The following DAB1 variants were observed in gnomAD, a reference collection of about 807,000 sequenced individuals.
The protein encoded by DAB1 is disabled homolog 1.
DAB1 carries 15 observed loss-of-function variants against 64.6 expected under a neutral mutation model. The observed-to-expected ratio is 0.23, with a 90% CI of 0.16 to 0.36. The LOEUF is 0.36. DAB1 is among the 10% of genes least tolerant of loss of function. The pLI is 1.00. For synonymous variants in DAB1, 235 were observed against 251.9 expected (o/e 0.93, Z 0.64); for missense variants, 596 against 706.7 (o/e 0.84, Z 1.78).
chr1:57,095,751 T>C (rs1037037052), intron 4 of DAB1, among the ~76,000 whole-genome samples: 1 of 151,916 alleles, frequency 6.6e-6, no homozygotes, highest in Non-Finnish European at 1.5e-5. Flanking sequence ...TTAAATAACG[T>C]GGGAAGTAAG....
At chr1:57,511,810 T>C (rs1173713141) in intron 7 of DAB1, among the ~76,000 whole-genome samples, 1 of 152,174 alleles carries the variant, frequency 6.6e-6, no homozygotes, top group East Asian at 1.9e-4. Flanking sequence ...CTCCTCTCTT[T>C]GACCATCTGG....
chr1:57,161,183 T>C (rs1660708535), intron 2 of DAB1, among the ~76,000 whole-genome samples: 2 of 151,990 alleles, frequency 1.3e-5, no homozygotes, highest in South Asian at 4.2e-4. Flanking sequence ...AGTCTTGATA[T>C]GGAGAGACAA....
chr1:58,162,367 C>T (rs1655586411), intron 4 of DAB1, among the ~76,000 whole-genome samples: 2 of 151,942 alleles, frequency 1.3e-5, no homozygotes, highest in Non-Finnish European at 2.9e-5. Context: ...TTTTTTCCTT[C>T]TGTTACTCAT....
At chr1:57,780,237 T>C (rs189462993) in intron 6 of DAB1, among the ~76,000 whole-genome samples, 1 of 152,230 alleles carries the variant, frequency 6.6e-6, no homozygotes, top group Admixed American at 6.5e-5. Context: ...TTTAACATGT[T>C]GATCTTGTGT....
intron 1 of DAB1, chr1:57,864,463 A>G (rs544137485): frequency 1.3e-5 from 2 of 152,196 alleles, no homozygotes; most frequent in African/African-American, 4.8e-5. Flanking sequence ...CTGAAAAATC[A>G]CAGCAAATAA....
chr1:57,593,887 A>G (rs1645475277), intron 7 of DAB1, among the ~76,000 whole-genome samples: 1 of 152,230 alleles, frequency 6.6e-6, no homozygotes. Context: ...CAAAAGTTCT[A>G]GCAGAAGTCT....
chr1:57,650,256 T>C (rs1237619519), intron 6 of DAB1, among the ~76,000 whole-genome samples: 1 of 152,216 alleles, frequency 6.6e-6, no homozygotes, highest in Non-Finnish European at 1.5e-5. Context: ...GTGATCCTCC[T>C]GCCTCAGTCT....
upstream of DAB1, among the ~76,000 whole-genome samples, chr1:57,886,279 C>T (rs927551514): frequency 3.3e-5 from 5 of 152,082 alleles, no homozygotes; most frequent in Non-Finnish European, 5.9e-5. Flanking sequence ...CTGCCTCAGC[C>T]TCTGGAGTAC....
In DAB1 at chr1:57,988,388, C is replaced by G. The variant is rs373441349; in HGVS notation, n.388-104226G>C. Among the ~76,000 whole-genome samples the G allele has an allele frequency of 2.6e-5, 4 of 152,304 alleles. No individual in the cohort carries two copies. The East Asian group carries it at 7.7e-4, about 29-fold the overall frequency. On this transcript the variant is annotated intron_variant and non_coding_transcript_variant, in intron 5 of 20. Coordinates refer to the DAB1 transcript ENST00000485760. ...ACCTCTCTGATCTTCTTTTCCTCAC[C>G]TATAAAATGGGGAAAATGAAATGTA...
intron 7 of DAB1, among the ~76,000 whole-genome samples, chr1:57,604,571 C>T (rs1046079731): frequency 6.6e-6 from 1 of 152,170 alleles, no homozygotes; most frequent in Admixed American, 6.6e-5. Context: ...TTATAAACTA[C>T]GGACCCACAG....
Position 58,287,449 on chromosome 1 carries a change from G to C in DAB1, n.309+55903C>G, listed in dbSNP as rs575178167. ...CTCATGTGGTTATAGTCAGTGGCTG[G>C]AGCCAGAGTCACCTGAAGACTACCT... is the stretch of plus-strand genomic sequence containing the variant. On this transcript the variant is annotated intron_variant and non_coding_transcript_variant, in intron 4 of 20. Transcript: ENST00000485760. 8.1e-4 allele frequency among the ~76,000 whole-genome samples: 124 copies of C among 152,224 alleles called. 1 individual carries two copies. Among genetic ancestry groups the C allele is most frequent in the African/African-American group, 2.8e-3 (117 of 41,530 alleles).
intron 2 of DAB1, among the ~76,000 whole-genome samples, chr1:57,289,854 A>G (rs1357157264): frequency 1.3e-5 from 2 of 152,008 alleles, no homozygotes; most frequent in African/African-American, 4.8e-5. Context: ...GAGAAAACAC[A>G]CACACACAGA....
intron 5 of DAB1, among the ~76,000 whole-genome samples, chr1:58,034,239 T>G (rs1173395541): frequency 2.0e-5 from 3 of 152,202 alleles, no homozygotes; most frequent in Non-Finnish European, 4.4e-5. Flanking sequence ...GAGGTCTTTG[T>G]GCTAAAGAAC....
intron 2 of DAB1, among the ~76,000 whole-genome samples, chr1:57,238,609 C>T (rs1455581027): frequency 3.9e-5 from 6 of 152,122 alleles, no homozygotes; most frequent in South Asian, 2.1e-4. Flanking sequence ...GTATCACAGC[C>T]TCCTCCAGAA....
chr1:58,508,580 G>A (rs1646025515), intron 2 of DAB1, among the ~76,000 whole-genome samples: 1 of 152,104 alleles, frequency 6.6e-6, no homozygotes, highest in Admixed American at 6.5e-5. Flanking sequence ...AACACCTGCA[G>A]CTCCCCACCA....
intron 6 of DAB1, among the ~76,000 whole-genome samples, chr1:57,798,402 C>T (rs949421335): frequency 5.3e-5 from 8 of 152,182 alleles, no homozygotes; most frequent in Admixed American, 4.6e-4. Context: ...GAGCCAAAGA[C>T]AGGCAGCCTG....
chr1:58,419,935 G>A (rs1171341546), intron 3 of DAB1, among the ~76,000 whole-genome samples: 3 of 152,150 alleles, frequency 2.0e-5, no homozygotes, highest in Non-Finnish European at 2.9e-5. Context: ...TGGCCCTCCA[G>A]CCCTAAGGAA....
At chr1:57,280,607 G>A (rs1251183578) in intron 2 of DAB1, among the ~76,000 whole-genome samples, 1 of 152,192 alleles carries the variant, frequency 6.6e-6, no homozygotes, top group Non-Finnish European at 1.5e-5. Context: ...CACTGCCAGA[G>A]GCAGCACACT....
chr1:57,052,027 G>A (rs1649238268), intron 9 of DAB1, among the ~76,000 whole-genome samples: 1 of 151,414 alleles, frequency 6.6e-6, no homozygotes, highest in Admixed American at 6.6e-5. Context: ...TCAAATTCTG[G>A]CTCTGCCAAG....
Sources: allele counts gnomAD v4.1 joint callset (sites outside exome capture counted in the v4.1 genomes callset), GRCh38; gene constraint gnomAD v4.1.1; transcripts MANE v1.5; gene names NCBI Gene and HGNC (gene_info 2026-07-23, HGNC 2026-07-21).